Variants in BMPER observed in about 807,000 individuals in gnomAD.
BMPER encodes the protein BMP binding endothelial regulator, also known as BMP-binding endothelial regulator protein.
Under a neutral mutation model 87.3 loss-of-function variants are expected in BMPER, and 45 were observed. The ratio of observed to expected loss-of-function variants is 0.52; its 90% CI spans 0.41 to 0.66. The LOEUF (loss-of-function observed/expected upper bound fraction) is 0.66. Among genes scored for constraint, BMPER ranks in the 30% least tolerant of loss-of-function variants. The pLI is 0.00. For missense variants in BMPER, 784 were observed against 867.5 expected (o/e 0.90, Z 1.21); for synonymous variants, 326 against 316.2 (o/e 1.03, Z -0.33).
chr7:34,016,313 G>C (rs1226955364), intron 6 of BMPER, among the ~76,000 whole-genome samples: 1 of 151,854 alleles, frequency 6.6e-6, no homozygotes, highest in Non-Finnish European at 1.5e-5. Context: ...GGCTGTGATT[G>C]GTTCTTGAAT....
intron 5 of BMPER, among the ~76,000 whole-genome samples, chr7:33,972,414 T>C (rs1785572554): frequency 6.6e-6 from 1 of 152,172 alleles, no homozygotes; most frequent in Non-Finnish European, 1.5e-5. Flanking sequence ...ATTTCAGCAG[T>C]TGAAGTTGTA....
chr7:34,059,042 T>G (rs2127963867), intron 10 of BMPER, among the ~76,000 whole-genome samples: 1 of 150,656 alleles, frequency 6.6e-6, no homozygotes, highest in Non-Finnish European at 1.5e-5. Flanking sequence ...AAAAAAACCC[T>G]AATTAGTCTT....
intron 13 of BMPER, among the ~76,000 whole-genome samples, chr7:34,120,439 C>G (rs1283332031): frequency 2.0e-5 from 3 of 151,328 alleles, no homozygotes; most frequent in African/African-American, 7.3e-5. Context: ...GCTCTCGTTG[C>G]CCAGACTGGA....
intron 2 of BMPER, among the ~76,000 whole-genome samples, chr7:33,909,913 T>C (rs546879655): frequency 6.6e-6 from 1 of 152,284 alleles, no homozygotes; most frequent in South Asian, 2.1e-4. Flanking sequence ...TGACAGTGGG[T>C]GCAGTGGCCA....
Position 34,023,656 on chromosome 7 carries a change from AT to A in BMPER, c.577-22649del, listed in dbSNP as rs565861033. Among the ~76,000 whole-genome samples the A allele has an allele frequency of 1.6e-4, 24 of 152,210 alleles. 2 individuals carry two copies. The South Asian group carries it at 4.8e-3, about 30-fold the overall frequency. Reference sequence around the variant, plus strand: ...CCAACTCCTATTATAGAAATTTGACATAGAGATTGGATAAAGAGAAAGTACA... The same window carrying A: ...CCAACTCCTATTATAGAAATTTGACAAGAGATTGGATAAAGAGAAAGTACA... On this transcript the variant is annotated intron_variant, in intron 6 of 14. Coordinates refer to ENST00000649409, the MANE Select transcript of BMPER (RefSeq NM_001365308.1).
intron 6 of BMPER, among the ~76,000 whole-genome samples, chr7:33,977,997 T>C (rs534202521): frequency 2.0e-5 from 3 of 152,290 alleles, no homozygotes; most frequent in South Asian, 2.1e-4. Context: ...GTTGAGGGAA[T>C]GTCACCAAGT....
In BMPER at chr7:33,905,643, G is replaced by A. The variant is rs1342540121; in HGVS notation, c.30G>A (p.Leu10=). Residue 10 remains leucine (L), a synonymous_variant, in exon 1 of 15, where the codon CTG becomes CTA. Coordinates refer to ENST00000649409, the MANE Select transcript of BMPER (RefSeq NM_001365308.1). MLWFSGVGA[L]AERYCRRSPG... The stretch of plus-strand genomic sequence containing the variant: ...TCTGGTTCTCCGGCGTCGGGGCTCT[G>A]GCTGAGCGTTACTGCCGCCGCTCGC... The A allele has an allele frequency of 6.2e-7, 1 of 1,613,300 alleles. No individual in the cohort carries two copies. Among genetic ancestry groups the A allele is most frequent in the Non-Finnish European group, 8.5e-7 (1 of 1,179,928 alleles).
At chr7:33,996,597 G>A (rs1202295822) in intron 6 of BMPER, among the ~76,000 whole-genome samples, 1 of 152,134 alleles carries the variant, frequency 6.6e-6, no homozygotes, top group Non-Finnish European at 1.5e-5. Context: ...ACCTGTTTAT[G>A]ATGGGAAGGT....
chr7:34,044,875 G>A (rs1787919002), intron 6 of BMPER, among the ~76,000 whole-genome samples: 1 of 152,124 alleles, frequency 6.6e-6, no homozygotes, highest in South Asian at 2.1e-4. Flanking sequence ...AAAATGGCGA[G>A]AACAGGAAGG....
In BMPER at chr7:33,966,669, G is replaced by GA. The variant is rs549199306; in HGVS notation, c.402+115dup. 133 of 1,052,884 alleles carry GA rather than the reference G, an allele frequency of 1.3e-4. No individual in the cohort carries two copies. The African/African-American group carries it at 1.4e-3, about 11-fold the overall frequency. 65.2% of individuals were successfully genotyped at this position (1,052,884 alleles called of 1,614,324 possible). On this transcript the variant is annotated intron_variant, in intron 4 of 14. Coordinates refer to ENST00000649409, the MANE Select transcript of BMPER (RefSeq NM_001365308.1). ...AACCCTAAAAAGGCCAAACAGAAAT[G>GA]AAAAAAACAATGAAAAAGCAACTGT... is the stretch of plus-strand genomic sequence containing the variant.
intron 4 of BMPER, 31 bp downstream of exon 4, chr7:33,966,592 A>G (rs1785412368): frequency 6.2e-7 from 1 of 1,600,756 alleles, no homozygotes; most frequent in Non-Finnish European, 8.6e-7. Context: ...TCTCCAGTAA[A>G]AAGGAATCCA....
intron 13 of BMPER, among the ~76,000 whole-genome samples, chr7:34,114,130 T>C (rs1420255558): frequency 6.6e-6 from 1 of 152,212 alleles, no homozygotes; most frequent in Non-Finnish European, 1.5e-5. Context: ...TTTCACCCCC[T>C]TCCTCTTGTA....
intron 6 of BMPER, among the ~76,000 whole-genome samples, chr7:34,034,218 T>A (rs953032264): frequency 6.6e-6 from 1 of 152,194 alleles, no homozygotes; most frequent in Non-Finnish European, 1.5e-5. Flanking sequence ...CAATTTAATA[T>A]AACTTATTGG....
At chr7:34,142,763 ATT>A (rs1790906466) in intron 13 of BMPER, among the ~76,000 whole-genome samples, 2 of 152,236 alleles carry the variant, frequency 1.3e-5, no homozygotes, top group Non-Finnish European at 2.9e-5. Flanking sequence ...TTTTGGAAAC[ATT>A]GCAGTAAAGT....
chr7:34,055,496 TA>T (rs1362369186), intron 9 of BMPER, among the ~76,000 whole-genome samples, 193 bp downstream of exon 9: 4 of 152,248 alleles, frequency 2.6e-5, no homozygotes, highest in Non-Finnish European at 5.9e-5. Flanking sequence ...CAAGTGCAGA[TA>T]GGGGCAGAGA....
At chr7:34,145,418 G>C (rs528622696) in intron 14 of BMPER, among the ~76,000 whole-genome samples, 1 of 152,232 alleles carries the variant, frequency 6.6e-6, no homozygotes, top group East Asian at 1.9e-4. Context: ...TATCAATGCT[G>C]CCCTTCTCAG....
chr7:33,975,662 A>T (rs1181241054), intron 6 of BMPER, among the ~76,000 whole-genome samples: 1 of 152,290 alleles, frequency 6.6e-6, no homozygotes, highest in East Asian at 1.9e-4. Flanking sequence ...TAAGCTTTTA[A>T]TCTGTTATAA....
chr7:33,983,179 C>A (rs1008959553), intron 6 of BMPER, among the ~76,000 whole-genome samples: 1 of 152,026 alleles, frequency 6.6e-6, no homozygotes, highest in Non-Finnish European at 1.5e-5. Context: ...TAAATTCTAC[C>A]TCATCCTGGA....
At chr7:33,932,131 G>A (rs760742493) in intron 2 of BMPER, among the ~76,000 whole-genome samples, 6 of 152,288 alleles carry the variant, frequency 3.9e-5, no homozygotes, top group East Asian at 3.9e-4. Flanking sequence ...TCTCAGAGTC[G>A]CCAGGCTGGG....
Sources: allele counts gnomAD v4.1 joint callset (sites outside exome capture counted in the v4.1 genomes callset), GRCh38; gene constraint gnomAD v4.1.1; transcripts MANE v1.5; gene names NCBI Gene and HGNC (gene_info 2026-07-23, HGNC 2026-07-21).